CNTNAP2: variants seen among roughly 807,000 people sequenced by gnomAD.
CNTNAP2 encodes the protein contactin-associated protein-like 2.
CNTNAP2 carries 98 observed loss-of-function variants against 155.2 expected under a neutral mutation model. The observed-to-expected ratio is 0.63, with a 90% CI of 0.54 to 0.75. The LOEUF (loss-of-function observed/expected upper bound fraction) is 0.75, where lower values mean the gene tolerates loss of function less well. Ranked by LOEUF, CNTNAP2 falls within the 30% of genes least tolerant of loss-of-function variation. The pLI is 0.00. For synonymous variants in CNTNAP2, 651 were observed against 631.2 expected (o/e 1.03, Z -0.47); for missense variants, 1,727 against 1,688.1 (o/e 1.02, Z -0.40).
At chr7:146,449,362 C>T (rs1796445852) in intron 1 of CNTNAP2, among the ~76,000 whole-genome samples, 1 of 151,598 alleles carries the variant, frequency 6.6e-6, no homozygotes, top group Non-Finnish European at 1.5e-5. Flanking sequence ...CCCTTTTTTC[C>T]TCTTGTGCAT....
At chr7:147,469,769 C>T (rs1480666888) in intron 10 of CNTNAP2, among the ~76,000 whole-genome samples, 5 of 151,954 alleles carry the variant, frequency 3.3e-5, no homozygotes, top group Admixed American at 6.6e-5. Context: ...CCGCCCTCCT[C>T]GGCCTCCCAA....
intron 1 of CNTNAP2, among the ~76,000 whole-genome samples, chr7:146,528,081 C>A (rs1382784031): frequency 6.6e-6 from 1 of 152,084 alleles, no homozygotes; most frequent in African/African-American, 2.4e-5. Flanking sequence ...TCAAAGAGGG[C>A]ATTAAAAACT....
chr7:146,936,117 G>A (rs1563010513), intron 3 of CNTNAP2, among the ~76,000 whole-genome samples: 1 of 152,166 alleles, frequency 6.6e-6, no homozygotes, highest in Admixed American at 6.5e-5. Flanking sequence ...GTAACTGAGA[G>A]TAGCATTAAG....
chr7:147,068,919 G>C (rs1219634313), intron 4 of CNTNAP2, among the ~76,000 whole-genome samples: 1 of 152,186 alleles, frequency 6.6e-6, no homozygotes, highest in African/African-American at 2.4e-5. Context: ...AAACAAAAGA[G>C]TTTATTTGGC....
intron 15 of CNTNAP2, among the ~76,000 whole-genome samples, chr7:148,049,358 C>T (rs1410591340): frequency 6.6e-6 from 1 of 152,018 alleles, no homozygotes; most frequent in Non-Finnish European, 1.5e-5. Flanking sequence ...TCACTGTTGA[C>T]CTAATTAACA....
intron 3 of CNTNAP2, among the ~76,000 whole-genome samples, chr7:146,871,061 T>C (rs1795295730): frequency 6.6e-6 from 1 of 152,222 alleles, no homozygotes; most frequent in Non-Finnish European, 1.5e-5. Flanking sequence ...GTGTGTGAAA[T>C]GTATTGAAAT....
rs191918651 is a variant in CNTNAP2 at position 147,506,155 on chromosome 7, G to A, written c.1777+20114G>A. Among the ~76,000 whole-genome samples, 65 of 152,330 alleles carry A rather than the reference G, an allele frequency of 4.3e-4. 1 individual carries two copies. In the South Asian group the frequency reaches 0.011, roughly 26 times the overall value. On this transcript the variant is annotated intron_variant, in intron 11 of 23. Coordinates refer to ENST00000361727, the MANE Select transcript of CNTNAP2 (RefSeq NM_014141.6). ...TAGCAACAGAGGAAGGCATGGCCAG[G>A]CACTAGGACCATTCTAAGACCCATC... is the stretch of plus-strand genomic sequence containing the variant.
chr7:147,580,463 C>G (rs1800477544), intron 12 of CNTNAP2, among the ~76,000 whole-genome samples: 1 of 152,160 alleles, frequency 6.6e-6, no homozygotes, highest in Non-Finnish European at 1.5e-5. Flanking sequence ...TTTTGACAGT[C>G]CATACTTAAA....
chr7:146,122,306 TC>T (rs1797574939), intron 1 of CNTNAP2, among the ~76,000 whole-genome samples: 1 of 152,228 alleles, frequency 6.6e-6, no homozygotes, highest in South Asian at 2.1e-4. Context: ...GTTCGGTTCT[TC>T]CTATGGCTTG....
At chr7:148,283,660 T>G (rs1404939832) in intron 21 of CNTNAP2, among the ~76,000 whole-genome samples, 1 of 152,136 alleles carries the variant, frequency 6.6e-6, no homozygotes. Flanking sequence ...TTTTTTTGCA[T>G]TCTTGTGTTT....
intron 15 of CNTNAP2, among the ~76,000 whole-genome samples, chr7:148,018,281 A>G (rs1445972961): frequency 6.6e-6 from 1 of 152,170 alleles, no homozygotes; most frequent in Non-Finnish European, 1.5e-5. Flanking sequence ...CTCTGTAAAT[A>G]TGGGCTGATA....
chr7:147,907,403 T>G (rs1282360342), intron 14 of CNTNAP2, among the ~76,000 whole-genome samples: 3 of 152,212 alleles, frequency 2.0e-5, no homozygotes, highest in African/African-American at 7.2e-5. Context: ...CTTCCCTTTT[T>G]AGCACAAGAA....
At chr7:148,264,075 T>TCCCA (rs769698718) in intron 20 of CNTNAP2, among the ~76,000 whole-genome samples, 12,658 of 152,210 alleles carry the variant, frequency 0.083, 857 homozygotes, top group African/African-American at 0.18. Context: ...CACCATGTAT[T>TCCCA]GTATTGGGCT....
chr7:147,144,195 A>G (rs976937633), intron 8 of CNTNAP2, among the ~76,000 whole-genome samples: 1 of 152,188 alleles, frequency 6.6e-6, no homozygotes, highest in Admixed American at 6.5e-5. Context: ...GTTGTCTCTG[A>G]AGTATTTTAT....
At chr7:148,098,671 TA>T (rs201239091) in intron 15 of CNTNAP2, among the ~76,000 whole-genome samples, 2 of 151,984 alleles carry the variant, frequency 1.3e-5, no homozygotes, top group Admixed American at 6.5e-5. Context: ...CCCATCTCTT[TA>T]AAAAAATTTT....
chr7:147,592,028 C>A (rs956843608), intron 12 of CNTNAP2, among the ~76,000 whole-genome samples: 4 of 152,202 alleles, frequency 2.6e-5, no homozygotes, highest in Non-Finnish European at 5.9e-5. Flanking sequence ...GTTAGCTGTT[C>A]TTCCTCTGTC....
chr7:146,777,914 T>TA (rs1802418675), intron 2 of CNTNAP2, among the ~76,000 whole-genome samples: 1 of 148,870 alleles, frequency 6.7e-6, no homozygotes, highest in African/African-American at 2.5e-5. Flanking sequence ...TTTTTTTTTT[T>TA]AAGTATAGCA....
At chr7:146,666,784 T>C (rs1198390859) in intron 1 of CNTNAP2, among the ~76,000 whole-genome samples, 2 of 152,170 alleles carry the variant, frequency 1.3e-5, no homozygotes, top group African/African-American at 2.4e-5. Flanking sequence ...TGCATATACA[T>C]GTCTTCTTTT....
chr7:147,723,042 T>C (rs1291995106), intron 13 of CNTNAP2, among the ~76,000 whole-genome samples: 1 of 152,038 alleles, frequency 6.6e-6, no homozygotes, highest in Non-Finnish European at 1.5e-5. Context: ...CACCTCCATT[T>C]TGCAGATAAA....
Sources: allele counts gnomAD v4.1 joint callset (sites outside exome capture counted in the v4.1 genomes callset), GRCh38; gene constraint gnomAD v4.1.1; transcripts MANE v1.5; gene names NCBI Gene and HGNC (gene_info 2026-07-23, HGNC 2026-07-21).